Variants in NKAIN2 observed in about 807,000 individuals in gnomAD.
The protein encoded by NKAIN2 is sodium/potassium-transporting ATPase subunit beta-1-interacting protein 2.
NKAIN2 carries 14 observed loss-of-function variants against 32.6 expected under a neutral mutation model. The observed-to-expected ratio is 0.43, with a 90% CI of 0.28 to 0.67. The LOEUF is 0.67. Ranked by LOEUF, NKAIN2 falls within the 30% of genes least tolerant of loss-of-function variation. The pLI is 0.17. For missense variants in NKAIN2, 198 were observed against 258.3 expected (o/e 0.77, Z 1.60); for synonymous variants, 80 against 87.2 (o/e 0.92, Z 0.46).
At chr6:124,631,094 T>C (rs2061538205) in intron 3 of NKAIN2, among the ~76,000 whole-genome samples, 1 of 152,226 alleles carries the variant, frequency 6.6e-6, no homozygotes, top group Non-Finnish European at 1.5e-5. Context: ...CCTTTGGTTC[T>C]AGCTGTGAAC....
At chr6:124,084,936 G>A (rs1252469464) in intron 1 of NKAIN2, among the ~76,000 whole-genome samples, 3 of 152,044 alleles carry the variant, frequency 2.0e-5, no homozygotes. Flanking sequence ...GTAGTGCACA[G>A]CAGGTAAATG....
At chr6:124,417,367 G>T (rs1370393349) in intron 3 of NKAIN2, among the ~76,000 whole-genome samples, 2 of 152,134 alleles carry the variant, frequency 1.3e-5, no homozygotes, top group African/African-American at 4.8e-5. Flanking sequence ...AGAGAAAACA[G>T]AAGGAAGAAT....
At chr6:124,177,484 T>G (rs1235506576) in intron 1 of NKAIN2, among the ~76,000 whole-genome samples, 1 of 152,170 alleles carries the variant, frequency 6.6e-6, no homozygotes, top group Non-Finnish European at 1.5e-5. Flanking sequence ...TAAAACATAG[T>G]TATGGCATCA....
chr6:123,886,337 A>G (rs1009268121), intron 1 of NKAIN2, among the ~76,000 whole-genome samples: 4 of 152,086 alleles, frequency 2.6e-5, no homozygotes, highest in Non-Finnish European at 5.9e-5. Context: ...TTACTTCCAC[A>G]TGATGGCATA....
At chr6:124,778,778 T>C (rs749277326) in intron 4 of NKAIN2, among the ~76,000 whole-genome samples, 3 of 151,974 alleles carry the variant, frequency 2.0e-5, no homozygotes, top group Non-Finnish European at 2.9e-5. Context: ...CTCTGCCTGC[T>C]TAAAGGAAAA....
chr6:124,288,856 C>G (rs1458248191), intron 2 of NKAIN2, among the ~76,000 whole-genome samples: 1 of 152,042 alleles, frequency 6.6e-6, no homozygotes, highest in Non-Finnish European at 1.5e-5. Context: ...CCAATATAGA[C>G]ATACATACAT....
At chr6:124,640,181 G>A (rs868672384) in intron 3 of NKAIN2, among the ~76,000 whole-genome samples, 7 of 152,154 alleles carry the variant, frequency 4.6e-5, no homozygotes, top group Non-Finnish European at 5.9e-5. Flanking sequence ...ATCGAAAAAT[G>A]ATAATGACAG....
intron 2 of NKAIN2, among the ~76,000 whole-genome samples, chr6:124,307,891 A>G (rs1391924375): frequency 6.6e-6 from 1 of 152,224 alleles, no homozygotes; most frequent in African/African-American, 2.4e-5. Context: ...ATTTCAATAT[A>G]TAAAATGTGA....
intron 1 of NKAIN2, among the ~76,000 whole-genome samples, chr6:124,214,423 A>G (rs963610615): frequency 2.6e-5 from 4 of 152,196 alleles, no homozygotes; most frequent in African/African-American, 9.7e-5. Context: ...GTGTTTAACA[A>G]TGAACTTGCA....
chr6:124,498,217 G>C (rs909656898), intron 3 of NKAIN2, among the ~76,000 whole-genome samples: 1 of 152,126 alleles, frequency 6.6e-6, no homozygotes, highest in Admixed American at 6.5e-5. Flanking sequence ...GTGTAGCAGG[G>C]AGACCCAGGT....
At chr6:123,816,132 G>T (rs1422294366) in intron 1 of NKAIN2, among the ~76,000 whole-genome samples, 1 of 152,088 alleles carries the variant, frequency 6.6e-6, no homozygotes, top group Admixed American at 6.6e-5. Flanking sequence ...GTAGTAGAAA[G>T]GTGAGAATGA....
chr6:124,116,673 G>A (rs1477211668), intron 1 of NKAIN2, among the ~76,000 whole-genome samples: 1 of 152,074 alleles, frequency 6.6e-6, no homozygotes, highest in Non-Finnish European at 1.5e-5. Flanking sequence ...GAGCAAAGAA[G>A]TGGCACTTCA....
intron 3 of NKAIN2, among the ~76,000 whole-genome samples, chr6:124,372,073 A>G (rs1038696374): frequency 1.3e-5 from 2 of 152,182 alleles, no homozygotes; most frequent in African/African-American, 2.4e-5. Flanking sequence ...AAACAATTAC[A>G]TATTTAAAAA....
At chr6:124,081,366 G>C (rs1024358794) in intron 1 of NKAIN2, among the ~76,000 whole-genome samples, 15 of 151,848 alleles carry the variant, frequency 9.9e-5, no homozygotes, top group Non-Finnish European at 2.2e-4. Context: ...TTTGAAATAA[G>C]GTTATATTAC....
intron 3 of NKAIN2, among the ~76,000 whole-genome samples, chr6:124,412,881 C>T (rs1009699070): frequency 2.0e-5 from 3 of 152,290 alleles, no homozygotes; most frequent in African/African-American, 7.2e-5. Flanking sequence ...TGGCGGGCGC[C>T]CCTCCCCGAG....
intron 1 of NKAIN2, among the ~76,000 whole-genome samples, chr6:124,033,125 A>G (rs1016071377): frequency 1.3e-5 from 2 of 152,108 alleles, no homozygotes; most frequent in Non-Finnish European, 2.9e-5. Flanking sequence ...AAGAGAGGCA[A>G]ATGATTCACA....
intron 3 of NKAIN2, among the ~76,000 whole-genome samples, chr6:124,391,814 C>T (rs1048873996): frequency 5.9e-5 from 9 of 152,114 alleles, no homozygotes; most frequent in Non-Finnish European, 4.4e-5. Context: ...CTTATGAACT[C>T]TTCGACTTCC....
At chr6:124,001,732 T>G (rs1387139400) in intron 1 of NKAIN2, among the ~76,000 whole-genome samples, 1 of 150,074 alleles carries the variant, frequency 6.7e-6, no homozygotes, top group African/African-American at 2.4e-5. Context: ...GTGGATTCTA[T>G]AAGAAATCAA....
chr6:124,132,062 C>T (rs1786507569), intron 1 of NKAIN2, among the ~76,000 whole-genome samples: 1 of 152,156 alleles, frequency 6.6e-6, no homozygotes, highest in African/African-American at 2.4e-5. Context: ...CAAAACTCAG[C>T]ACTGTTAATG....
Sources: allele counts gnomAD v4.1 joint callset (sites outside exome capture counted in the v4.1 genomes callset), GRCh38; gene constraint gnomAD v4.1.1; transcripts MANE v1.5; gene names NCBI Gene and HGNC (gene_info 2026-07-23, HGNC 2026-07-21).